The following LIMCH1 variants were observed in gnomAD, a reference collection of about 807,000 sequenced individuals.
LIMCH1 encodes the protein LIM and calponin homology domains-containing protein 1.
A neutral mutation model predicts 176.5 loss-of-function variants in LIMCH1; 113 were observed. The observed-to-expected ratio is 0.64, with a 90% confidence interval of 0.55 to 0.75. The LOEUF (loss-of-function observed/expected upper bound fraction) is 0.75, where lower values mean the gene tolerates loss of function less well. Among genes scored for constraint, LIMCH1 ranks in the 30% least tolerant of loss-of-function variants. The pLI, the probability that LIMCH1 is intolerant of heterozygous loss-of-function variation, is 0.00. For missense variants in LIMCH1, 1,674 were observed against 1,814.9 expected, an observed-to-expected ratio of 0.92 and a Z score of 1.41; for synonymous variants, 619 against 645.9, an observed-to-expected ratio of 0.96 and a Z score of 0.63.
intron 23 of LIMCH1, among the ~76,000 whole-genome samples, chr4:41,678,517 G>T (rs1273381408): frequency 2.0e-5 from 3 of 152,186 alleles, no homozygotes; most frequent in African/African-American, 7.2e-5. Context: ...GCTAAATGGT[G>T]AACAGCCAAG....
intron 10 of LIMCH1, among the ~76,000 whole-genome samples, chr4:41,632,019 G>A (rs958979703): frequency 4.6e-5 from 7 of 152,144 alleles, no homozygotes; most frequent in African/African-American, 7.2e-5. Context: ...TCTGTAAGTC[G>A]AGAGTTTCCT....
chr4:41,620,402 A>G (rs1343078024), intron 6 of LIMCH1, 22 bp from the exon 7 acceptor site: 3 of 1,531,386 alleles, frequency 2.0e-6, no homozygotes, highest in Admixed American at 2.0e-5. Flanking sequence ...AGTTTGGTAA[A>G]CCATATTGTC....
At chr4:41,627,916 G>A (rs937176297) in intron 8 of LIMCH1, among the ~76,000 whole-genome samples, 22 of 152,296 alleles carry the variant, frequency 1.4e-4, no homozygotes, top group African/African-American at 5.1e-4. Flanking sequence ...CTGTGCTTTA[G>A]ACAATTAAAA....
In LIMCH1 at chr4:41,632,863, G is replaced by A. The variant is rs1260497645; in HGVS notation, c.1716G>A (p.Glu572=). 6.5e-7 allele frequency: 1 copy of A among 1,535,968 alleles called. No individual in the cohort carries two copies. Among genetic ancestry groups the A allele is most frequent in the Non-Finnish European group, 8.7e-7 (1 of 1,146,670 alleles). Residue 572 remains glutamate (E), a synonymous_variant, in exon 11 of 32, where the codon GAG becomes GAA. Coordinates refer to ENST00000503057, the MANE Select transcript of LIMCH1 (RefSeq NM_001330672.2). ...TGGGCGAGTGCCCGAGGGGGACAGA[G>A]GAAGGTGAGGAGCAGTGTTTCCTGC... is the stretch of plus-strand genomic sequence containing the variant. ...CSLGECPRGT[E]EVTSKQLPQD... is the part of the protein sequence containing the mutation.
intron 20 of LIMCH1, among the ~76,000 whole-genome samples, chr4:41,665,372 G>A (rs1025099838): frequency 3.9e-5 from 6 of 152,176 alleles, no homozygotes; most frequent in Non-Finnish European, 8.8e-5. Context: ...GCTTTGGGAA[G>A]GCTAGACCTT....
intron 1 of LIMCH1, among the ~76,000 whole-genome samples, chr4:41,385,343 G>A (rs1334144109): frequency 6.6e-6 from 1 of 152,168 alleles, no homozygotes; most frequent in African/African-American, 2.4e-5. Flanking sequence ...TGGATTGAGA[G>A]TATTTGTTTT....
chr4:41,595,143 C>T (rs1244455148), intron 1 of LIMCH1, among the ~76,000 whole-genome samples: 2 of 152,070 alleles, frequency 1.3e-5, no homozygotes, highest in Non-Finnish European at 2.9e-5. Flanking sequence ...AATGTGGTAT[C>T]CTCAAGATTG....
chr4:41,643,019 A>T (rs139803346), intron 14 of LIMCH1, among the ~76,000 whole-genome samples: 2,341 of 152,350 alleles, frequency 0.015, 24 homozygotes, highest in Non-Finnish European at 0.023. Context: ...CCAGATTATT[A>T]GAATACTCTT....
chr4:41,673,231 C>T (rs1489493220), intron 22 of LIMCH1, among the ~76,000 whole-genome samples: 1 of 152,128 alleles, frequency 6.6e-6, no homozygotes, highest in Non-Finnish European at 1.5e-5. Flanking sequence ...TCCTGGGAAG[C>T]TGAGTTCATT....
intron 1 of LIMCH1, 88 bp downstream of exon 1, chr4:41,538,438 TA>T (rs983133976): frequency 4.6e-5 from 36 of 787,600 alleles, no homozygotes; most frequent in East Asian, 1.3e-4. Flanking sequence ...ATACTTGGTT[TA>T]AAAAAAAGTG....
chr4:41,653,933 T>G (rs559592220), intron 18 of LIMCH1, among the ~76,000 whole-genome samples: 1 of 152,368 alleles, frequency 6.6e-6, no homozygotes, highest in South Asian at 2.1e-4. Context: ...CATCTTCAGT[T>G]GAATCACCTT....
chr4:41,495,535 T>A (rs370123870), intron 2 of LIMCH1, among the ~76,000 whole-genome samples: 3 of 152,226 alleles, frequency 2.0e-5, no homozygotes, highest in East Asian at 3.9e-4. Context: ...TAGAATAAAC[T>A]CCTGTTTTTG....
chr4:41,430,958 A>C (rs2061559252), intron 1 of LIMCH1, among the ~76,000 whole-genome samples: 1 of 152,226 alleles, frequency 6.6e-6, no homozygotes, highest in African/African-American at 2.4e-5. Flanking sequence ...CATGACGGAA[A>C]GTGTAGCAAT....
intron 1 of LIMCH1, among the ~76,000 whole-genome samples, chr4:41,430,901 A>G (rs1455123874): frequency 6.6e-6 from 1 of 150,954 alleles, no homozygotes; most frequent in Admixed American, 6.6e-5. Context: ...TTTTTTTTCT[A>G]TGTGTCTTTC....
intron 1 of LIMCH1, among the ~76,000 whole-genome samples, chr4:41,451,099 G>A (rs1168820411): frequency 2.0e-5 from 3 of 152,072 alleles, no homozygotes; most frequent in Non-Finnish European, 2.9e-5. Context: ...CACCCTAAAA[G>A]GGTAATTATT....
At chr4:41,509,763 G>A (rs1305707449) in intron 2 of LIMCH1, among the ~76,000 whole-genome samples, 1 of 152,160 alleles carries the variant, frequency 6.6e-6, no homozygotes, top group African/African-American at 2.4e-5. Context: ...CTCATGGTGA[G>A]CAGAATGAGC....
chr4:41,390,431 G>A (rs187044258), intron 1 of LIMCH1, among the ~76,000 whole-genome samples: 13 of 152,174 alleles, frequency 8.5e-5, no homozygotes, highest in African/African-American at 1.9e-4. Context: ...CATGTAGTGC[G>A]TAAGGTCTGC....
chr4:41,583,579 T>C (rs1331215598), intron 1 of LIMCH1, among the ~76,000 whole-genome samples: 2 of 152,208 alleles, frequency 1.3e-5, no homozygotes, highest in African/African-American at 4.8e-5. Flanking sequence ...TCCTTGACGA[T>C]GAAATGTGGT....
chr4:41,448,688 A>G (rs2154145465), intron 1 of LIMCH1, among the ~76,000 whole-genome samples: 1 of 152,260 alleles, frequency 6.6e-6, no homozygotes, highest in Non-Finnish European at 1.5e-5. Context: ...GATTATTTTT[A>G]TGACTTTGAA....
Sources: allele counts gnomAD v4.1 joint callset (sites outside exome capture counted in the v4.1 genomes callset), GRCh38; gene constraint gnomAD v4.1.1; transcripts MANE v1.5; gene names NCBI Gene and HGNC (gene_info 2026-07-23, HGNC 2026-07-21).